The following MACF1 variants were observed in gnomAD, a reference collection of about 807,000 sequenced individuals.
MACF1 encodes microtubule actin crosslinking factor 1, also known as microtubule-actin cross-linking factor 1.
MACF1 carries 193 observed loss-of-function variants against 854.8 expected under a neutral mutation model. That is an observed-to-expected ratio of 0.23 (90% CI 0.20 to 0.25). The LOEUF (loss-of-function observed/expected upper bound fraction) is 0.25. Ranked by LOEUF, MACF1 falls within the 10% of genes least tolerant of loss-of-function variation. MACF1 has a pLI of 1.00. For missense variants in MACF1, 7,722 were observed against 8,929.1 expected (o/e 0.86, Z 5.45); for synonymous variants, 3,185 against 3,226.7 (o/e 0.99, Z 0.44).
chr1:39,371,347 T>C lies in MACF1; in HGVS notation c.13096-1132T>C, dbSNP rs7518507. ...AAAAAAAAAAAAAAAAAAAGAGTGA[T>C]TAATTAAAGAACTGACAAGCAGTGA... On this transcript the variant is annotated intron_variant, in intron 51 of 100. Coordinates refer to ENST00000564288, the MANE Select transcript of MACF1 (RefSeq NM_001394062.1). 4.0e-3 allele frequency among the ~76,000 whole-genome samples: 586 copies of C among 148,100 alleles called. 3 individuals carry two copies. Among genetic ancestry groups the C allele is most frequent in the African/African-American group, 0.014 (562 of 40,176 alleles).
At position 39,452,686 on chromosome 1, in the gene MACF1, G is replaced by A. The variant is rs551211157; in HGVS notation, c.20616G>A (p.Ala6872=). Residue 6872 remains alanine (A), a splice_region_variant and synonymous_variant, in exon 87 of 101, where the codon GCG becomes GCA. Coordinates refer to ENST00000564288, the MANE Select transcript of MACF1 (RefSeq NM_001394062.1). ...TCTTTTGTGCTTGGTTATTTCAGGC[G>A]GAAGTGTTTCGAGACACAGTCCACA... ...QSRLEQALKQ[A]EVFRDTVHML... The A allele has an allele frequency of 1.9e-5, 30 of 1,612,806 alleles. No individual in the cohort carries two copies. Among genetic ancestry groups the A allele is most frequent in the East Asian group, 6.7e-5 (3 of 44,886 alleles).
chr1:39,285,269 A>G, intron 12 of MACF1, 28 bp from the exon 13 acceptor site: 1 of 1,614,198 alleles, frequency 6.2e-7, no homozygotes, highest in Non-Finnish European at 8.5e-7. Flanking sequence ...TGAACCTTGC[A>G]CATGACTATG....
intron 5 of MACF1, among the ~76,000 whole-genome samples, chr1:39,255,988 C>T (rs1399435625): frequency 6.6e-6 from 1 of 152,136 alleles, no homozygotes; most frequent in East Asian, 1.9e-4. Context: ...TTACTAGAGC[C>T]GTTCTTGGTA....
intron 2 of MACF1, among the ~76,000 whole-genome samples, chr1:39,234,152 A>T (rs1278171484): frequency 6.6e-6 from 1 of 151,122 alleles, no homozygotes; most frequent in Non-Finnish European, 1.5e-5. Flanking sequence ...AATTTTTCTT[A>T]GTACAGAACA....
At chr1:39,145,269 G>C (rs950214198) in intron 2 of MACF1, among the ~76,000 whole-genome samples, 1 of 151,984 alleles carries the variant, frequency 6.6e-6, no homozygotes, top group Non-Finnish European at 1.5e-5. Context: ...CTTCAAACTT[G>C]TTGCTCCACC....
chr1:39,156,424 G>A lies in MACF1; in HGVS notation c.220+71986G>A, dbSNP rs555954777. 1.2e-4 allele frequency among the ~76,000 whole-genome samples: 19 copies of A among 152,318 alleles called. No homozygotes were observed. In the East Asian group the frequency reaches 3.3e-3, roughly 26 times the overall value. On this transcript the variant is annotated intron_variant, in intron 2 of 93. Coordinates refer to the MACF1 transcript ENST00000361689. ...ACTTGAGTCCAGAAGTTCGAGACCA[G>A]CCTGGGCAACATGGTGAAACACTGT...
intron 2 of MACF1, among the ~76,000 whole-genome samples, chr1:39,128,806 C>T (rs2148167857): frequency 6.6e-6 from 1 of 152,314 alleles, no homozygotes; most frequent in Non-Finnish European, 1.5e-5. Flanking sequence ...CTCCCTTTTA[C>T]ATTAATCCAC....
chr1:39,402,261 A>T lies in MACF1; in HGVS notation c.15816+13603A>T, dbSNP rs142021634. ...GAGACCTCTTTCATGGAAATAACCA[A>T]GCAATTTTGTGATGATCATGCCACT... On this transcript the variant is annotated intron_variant, in intron 58 of 100. Transcript: ENST00000564288. Among the ~76,000 whole-genome samples the T allele has an allele frequency of 5.3e-5, 8 of 152,280 alleles. No individual in the cohort carries two copies. In the East Asian group the frequency reaches 1.4e-3, roughly 26 times the overall value.
At position 39,317,400 on chromosome 1, in the gene MACF1, G is replaced by A. The variant is rs540126273; in HGVS notation, c.3775G>A (p.Glu1259Lys). The change falls in exon 29 of 101, where the codon GAG becomes AAG. Residue 1259 changes from glutamate (E) to lysine (K), a missense_variant. Glu to Lys is a moderately conservative substitution (Grantham distance 56, BLOSUM62 1). Coordinates refer to ENST00000564288, the MANE Select transcript of MACF1 (RefSeq NM_001394062.1). Reference protein sequence around the residue: ...ERWHRVIAQLEIRQSELESIQ... With the variant: ...ERWHRVIAQLKIRQSELESIQ... ...TTGGCACCGAGTCATTGCCCAGCTC[G>A]AGATTCGGTGAGTGGTGGCCCCACC... 6.8e-6 allele frequency: 11 copies of A among 1,612,176 alleles called. No individual in the cohort carries two copies. Among genetic ancestry groups the A allele is most frequent in the Admixed American group, 3.3e-5 (2 of 59,966 alleles).
intron 100 of MACF1, 141 bp from the exon 101 acceptor site, chr1:39,485,397 G>C: frequency 2.0e-6 from 2 of 992,876 alleles, no homozygotes; most frequent in Non-Finnish European, 2.9e-6. Flanking sequence ...AGCAACTTCT[G>C]TATGGATGAG....
chr1:39,371,980 AT>A (rs537622524), intron 51 of MACF1, among the ~76,000 whole-genome samples: 8 of 148,520 alleles, frequency 5.4e-5, no homozygotes, highest in Admixed American at 6.7e-5. Context: ...CGCCCGGCTA[AT>A]TTTTTTTTTG....
At position 39,388,052 on chromosome 1, in the gene MACF1, G is replaced by A; in HGVS notation, c.15210G>A (p.Arg5070=). ...TAGAGCCTCAGGTAGACTATCTGAG[G>A]AACTTTACTCAGGGTCTGGTAGAAG... ...QALEPQVDYL[R]NFTQGLVEDA... Residue 5070 remains arginine (R), a synonymous_variant, in exon 58 of 101, where the codon AGG becomes AGA. Coordinates refer to ENST00000564288, the MANE Select transcript of MACF1 (RefSeq NM_001394062.1). 6.2e-7 allele frequency: 1 copy of A among 1,614,064 alleles called. No homozygotes were observed.
At chr1:39,108,381 CT>C (rs1642300723) in intron 2 of MACF1, among the ~76,000 whole-genome samples, 1 of 151,884 alleles carries the variant, frequency 6.6e-6, no homozygotes, top group Admixed American at 6.6e-5. Context: ...GGGAAAGATA[CT>C]TGCAAACAAG....
chr1:39,215,488 C>T (rs1172435591), intron 1 of MACF1: 1 of 152,066 alleles, frequency 6.6e-6, no homozygotes, highest in Non-Finnish European at 1.5e-5. Context: ...CCCAAATAGC[C>T]CTTGCTCTCA....
chr1:39,366,716 A>G (rs1381117629), intron 49 of MACF1, among the ~76,000 whole-genome samples: 5 of 142,974 alleles, frequency 3.5e-5, no homozygotes, highest in Admixed American at 2.8e-4. Context: ...TTTTTTTGAG[A>G]CAGAGACTTG....
At chr1:39,461,798 A>T in intron 92 of MACF1, 85 bp from the exon 93 acceptor site, 1 of 761,288 alleles carries the variant, frequency 1.3e-6, no homozygotes. Context: ...TCTCAAAAAA[A>T]AAAAAAAAAA....
At chr1:39,194,330 TCTTTTCTTTTCTTTTC>T (rs1644290681) in intron 2 of MACF1, among the ~76,000 whole-genome samples, 1 of 69,700 alleles carries the variant, frequency 1.4e-5, no homozygotes, top group South Asian at 3.8e-4. Context: ...TCTTTTCTTT[TCTTTTCTTTTCTTTTC>T]TTTTCTTTTT....
At chr1:39,336,919 C>T (rs1167037653) in intron 37 of MACF1, among the ~76,000 whole-genome samples, 1 of 152,172 alleles carries the variant, frequency 6.6e-6, no homozygotes, top group Non-Finnish European at 1.5e-5. Flanking sequence ...TAGGATGATG[C>T]TACCTGAAAT....
chr1:39,335,464 G>GT lies in MACF1; in HGVS notation c.8877dup (p.Glu2960Ter), dbSNP rs746694861. The GT allele has an allele frequency of 6.2e-7, 1 of 1,614,242 alleles. No individual in the cohort carries two copies. The highest frequency in any genetic ancestry group is 8.5e-7 in the Non-Finnish European group (1 of 1,180,024). On this transcript the variant is annotated frameshift_variant, in exon 37 of 101. Coordinates refer to ENST00000564288, the MANE Select transcript of MACF1 (RefSeq NM_001394062.1). LOFTEE classifies it high-confidence loss of function. ...TGTGAAACGTCAGGCAAATTGCCGA[G>GT]TGAGCAGGTTTTGCAGCAACCAATG...
Sources: gnomAD v4.1 joint callset for allele counts (sites outside exome capture counted in the v4.1 genomes callset) on GRCh38, gnomAD v4.1.1 for gene constraint, MANE v1.5 for transcripts, NCBI Gene and HGNC (gene_info 2026-07-23, HGNC 2026-07-21) for gene names.